Variants in CEP57 observed in about 807,000 individuals in gnomAD.
CEP57 encodes centrosomal protein of 57 kDa.
Under a neutral mutation model 68.0 loss-of-function variants are expected in CEP57, and 40 were observed. The observed-to-expected ratio is 0.59, with a 90% confidence interval of 0.46 to 0.77. The LOEUF (loss-of-function observed/expected upper bound fraction) is 0.77. CEP57 is among the 30% of genes least tolerant of loss of function. The pLI is 0.00. For synonymous variants in CEP57, 219 were observed against 198.7 expected (o/e 1.10, Z -0.86); for missense variants, 606 against 580.7 (o/e 1.04, Z -0.45).
Position 95,832,251 on chromosome 11 carries a change from A to G in CEP57, c.*995A>G, listed in dbSNP as rs1421541840. 6.6e-6 allele frequency: 1 copy of G among 152,160 alleles called. No homozygotes were observed. Among genetic ancestry groups the G allele is most frequent in the Non-Finnish European group, 1.5e-5 (1 of 67,998 alleles). 9.4% of individuals were successfully genotyped at this position (152,160 alleles called of 1,614,324 possible). A position where few individuals can be genotyped will look rare whatever the true frequency, so the allele number is the denominator to read the frequency against. On this transcript the variant is annotated 3_prime_UTR_variant, in exon 11 of 11. Coordinates refer to ENST00000325542, the MANE Select transcript of CEP57 (RefSeq NM_014679.5). ...AGGAAACACTGCAACTTTCCTTAAC[A>G]GCCTGTTAATAAAGGCTTTGTGACA... is the stretch of plus-strand genomic sequence containing the variant.
At chr11:95,809,903 A>G (rs1482222558) in intron 2 of CEP57, among the ~76,000 whole-genome samples, 2 of 152,248 alleles carry the variant, frequency 1.3e-5, no homozygotes, top group African/African-American at 4.8e-5. Flanking sequence ...ACAGAAAAAG[A>G]GAATTTTACA....
intron 2 of CEP57, among the ~76,000 whole-genome samples, chr11:95,812,531 C>G (rs991464543): frequency 2.6e-5 from 4 of 152,052 alleles, no homozygotes; most frequent in African/African-American, 9.7e-5. Flanking sequence ...CTCCCCACCC[C>G]ACCCGGGTTC....
At chr11:95,822,337 G>T in intron 7 of CEP57, 162 bp from the exon 8 acceptor site, 1 of 639,158 alleles carries the variant, frequency 1.6e-6, no homozygotes, top group Non-Finnish European at 2.8e-6. Context: ...TAGGATATAT[G>T]CTAACAAGTA....
chr11:95,822,677 G>GTGCTTTTACCAGTGTGTGGATCA, intron 8 of CEP57, 101 bp downstream of exon 8: 1 of 887,478 alleles, frequency 1.1e-6, no homozygotes. Context: ...ACATTTTTCT[G>GTGCTTTTACCAGTGTGTGGATCA]TGCCTTTACC....
upstream of CEP57, chr11:95,790,307 T>A (rs1860947711): frequency 3.1e-6 from 1 of 319,304 alleles, no homozygotes. Flanking sequence ...CCACGCTTCT[T>A]ACTGGAGGAG....
At chr11:95,790,348 C>A, upstream of CEP57, 1 of 419,466 alleles carries the variant, frequency 2.4e-6, no homozygotes. Flanking sequence ...CCCGCAGAGC[C>A]GGCCTGTAAC....
intron 2 of CEP57, among the ~76,000 whole-genome samples, chr11:95,809,700 A>G (rs1388277711): frequency 6.6e-6 from 1 of 152,218 alleles, no homozygotes; most frequent in Non-Finnish European, 1.5e-5. Context: ...AAATTGAGGC[A>G]ATAATTAATA....
chr11:95,822,549 G>T lies in CEP57; in HGVS notation c.858G>T (p.Leu286Phe), dbSNP rs1308139720. 1.2e-6 allele frequency: 2 copies of T among 1,613,718 alleles called. No homozygotes were observed. The highest frequency in any genetic ancestry group is 3.3e-5 in the Admixed American group (2 of 60,016). The change falls in exon 8 of 11, where the codon TTG becomes TTT. Residue 286 changes from leucine to phenylalanine, a missense_variant. Coordinates refer to ENST00000325542, the MANE Select transcript of CEP57 (RefSeq NM_014679.5). ...FGAQPHYRLC[L>F]GDMPFVAGKS... The stretch of plus-strand genomic sequence containing the variant: ...CACAACCACATTATAGATTATGCTT[G>T]GGTGATATGCCATTTGTAGCTGGGA...
chr11:95,798,306 A>G (rs1861431796), intron 1 of CEP57, among the ~76,000 whole-genome samples: 1 of 152,238 alleles, frequency 6.6e-6, no homozygotes, highest in South Asian at 2.1e-4. Flanking sequence ...TTAATTTTAA[A>G]TAAGATTTAA....
At chr11:95,816,615 A>G (rs989382432) in intron 4 of CEP57, among the ~76,000 whole-genome samples, 2 of 152,178 alleles carry the variant, frequency 1.3e-5, no homozygotes, top group African/African-American at 4.8e-5. Context: ...AGTTCACACA[A>G]ATTCCTAAAT....
At chr11:95,802,275 GA>G in intron 2 of CEP57, among the ~76,000 whole-genome samples, 1 of 88,304 alleles carries the variant, frequency 1.1e-5, no homozygotes, top group East Asian at 3.2e-4. Flanking sequence ...TTTTTTTTTT[GA>G]GACAGTCTCA....
intron 10 of CEP57, among the ~76,000 whole-genome samples, chr11:95,829,680 AAT>A (rs1220089252): frequency 1.3e-5 from 2 of 152,222 alleles, no homozygotes; most frequent in Non-Finnish European, 2.9e-5. Flanking sequence ...TCATACATTA[AAT>A]ATGTGAAATA....
In CEP57 at chr11:95,821,874, C is replaced by T. The variant is rs1590951605; in HGVS notation, c.703C>T (p.Gln235Ter). The T allele has an allele frequency of 1.2e-6, 2 of 1,604,876 alleles. No individual in the cohort carries two copies. Among genetic ancestry groups the T allele is most frequent in the Middle Eastern group, 2.1e-4 (1 of 4,876 alleles). Reference sequence around the variant, plus strand: ...TTGAGGCTCTCATTTTTCCTAGTTGCAGACTGGTCTAGAAACAAATAGACT... The same window carrying T: ...TTGAGGCTCTCATTTTTCCTAGTTGTAGACTGGTCTAGAAACAAATAGACT... ...KRMQAKAAELQTGLETNRLIF... is the reference protein window; with the variant it reads ...KRMQAKAAEL Residue 235 changes from glutamine to a stop codon, truncating the protein, a stop_gained, in exon 7 of 11, where the codon CAG (glutamine) becomes TAG (stop). Transcript: ENST00000325542. LOFTEE classifies it high-confidence loss of function.
chr11:95,820,286 T>G (rs1862465788), intron 6 of CEP57, among the ~76,000 whole-genome samples: 1 of 152,122 alleles, frequency 6.6e-6, no homozygotes, highest in African/African-American at 2.4e-5. Flanking sequence ...GAGGGATAGA[T>G]GTGTGGTTCC....
chr11:95,807,675 A>C (rs1481743603), intron 2 of CEP57, among the ~76,000 whole-genome samples: 1 of 152,242 alleles, frequency 6.6e-6, no homozygotes, highest in African/African-American at 2.4e-5. Context: ...GAGAAAAAAG[A>C]GTAAAAAGAA....
intron 2 of CEP57, among the ~76,000 whole-genome samples, chr11:95,803,068 A>T (rs1021380359): frequency 3.3e-5 from 5 of 152,210 alleles, no homozygotes; most frequent in Non-Finnish European, 7.3e-5. Context: ...CATCAGAAGT[A>T]AGTCTAAACT....
Position 95,831,640 on chromosome 11 carries a change from T to A in CEP57, c.*384T>A, listed in dbSNP as rs1377304527. ...ATGAGACTATGCTATAGGCAGTGCT[T>A]GCTTGAAAAGTCTCATTTTTAAATC... On this transcript the variant is annotated 3_prime_UTR_variant, in exon 11 of 11. Transcript: ENST00000325542. The A allele has an allele frequency of 6.5e-6, 1 of 153,258 alleles. No individual in the cohort carries two copies. Among genetic ancestry groups the A allele is most frequent in the Non-Finnish European group, 1.5e-5 (1 of 68,686 alleles). The allele number at this position is 153,258 out of a possible 1,614,324, so 9.5% of individuals were successfully genotyped here. A position where few individuals can be genotyped will look rare whatever the true frequency, so the allele number is the denominator to read the frequency against.
intron 6 of CEP57, among the ~76,000 whole-genome samples, chr11:95,820,412 G>C (rs1158985857): frequency 6.6e-6 from 1 of 151,902 alleles, no homozygotes; most frequent in Non-Finnish European, 1.5e-5. Flanking sequence ...TGACCAACAT[G>C]GTGAAACGCT....
At chr11:95,822,323 A>T in intron 7 of CEP57, 176 bp from the exon 8 acceptor site, 1 of 611,814 alleles carries the variant, frequency 1.6e-6, no homozygotes. Context: ...AGCCTTTCCT[A>T]GGCTAGGATA....
Sources: allele counts gnomAD v4.1 joint callset (sites outside exome capture counted in the v4.1 genomes callset), GRCh38; gene constraint gnomAD v4.1.1; transcripts MANE v1.5; gene names NCBI Gene and HGNC (gene_info 2026-07-23, HGNC 2026-07-21).